Variants in SUCNR1 observed in about 807,000 individuals in gnomAD.
SUCNR1 encodes succinate receptor 1, also known as G-protein coupled receptor 91.
SUCNR1 carries 5 observed loss-of-function variants against 2.4 expected under a neutral mutation model. The ratio of observed to expected loss-of-function variants is 2.07; its 90% CI spans 1.08 to 4.36. The LOEUF (loss-of-function observed/expected upper bound fraction) is 4.36, where lower values mean the gene tolerates loss of function less well. SUCNR1 is among the 30% of genes most tolerant of loss of function. SUCNR1 has a pLI of 0.00. For synonymous variants in SUCNR1, 162 were observed against 143.9 expected, an observed-to-expected ratio of 1.13 and a Z score of -0.90; for missense variants, 373 against 399.2, an observed-to-expected ratio of 0.93 and a Z score of 0.56.
Position 151,881,468 on chromosome 3 carries a change from C to T in SUCNR1, c.925C>T (p.Gln309Ter), listed in dbSNP as rs1718096733. The T allele has an allele frequency of 6.2e-7, 1 of 1,613,768 alleles. No homozygotes were observed. The highest frequency in any genetic ancestry group is 1.3e-5 in the African/African-American group (1 of 74,912). The change falls in exon 3 of 3, where the codon CAA becomes TAA. Residue 309 changes from glutamine to a stop codon, truncating the protein, a stop_gained. Transcript: ENST00000362032. LOFTEE classifies it low-confidence loss of function (END_TRUNC). ...GDHFRDMLMN[Q>*]LRHNFKSLTS... ...TCACTTCAGGGACATGCTGATGAAT[C>T]AACTGAGACACAACTTCAAATCCCT...
chr3:151,877,857 T>A (rs1024206540), intron 1 of SUCNR1, among the ~76,000 whole-genome samples: 1 of 151,930 alleles, frequency 6.6e-6, no homozygotes, highest in Non-Finnish European at 1.5e-5. Flanking sequence ...GTGAATGAGA[T>A]CATTTAGGAA....
chr3:151,877,402 A>G (rs1160619197), intron 1 of SUCNR1, among the ~76,000 whole-genome samples: 1 of 152,166 alleles, frequency 6.6e-6, no homozygotes, highest in Admixed American at 6.6e-5. Context: ...ATAATGGTAA[A>G]GATGAACTGA....
At chr3:151,877,287 A>T (rs1012758816) in intron 1 of SUCNR1, among the ~76,000 whole-genome samples, 1 of 152,140 alleles carries the variant, frequency 6.6e-6, no homozygotes, top group African/African-American at 2.4e-5. Context: ...CCCATTAAGG[A>T]TTTTAGACTA....
At chr3:151,879,234 T>C (rs982248697) in intron 1 of SUCNR1, among the ~76,000 whole-genome samples, 1 of 152,194 alleles carries the variant, frequency 6.6e-6, no homozygotes, top group Non-Finnish European at 1.5e-5. Flanking sequence ...CTCTTGAGGT[T>C]TGAGTGAGTC....
At chr3:151,874,416 G>A (rs1405787087) in intron 1 of SUCNR1, among the ~76,000 whole-genome samples, 2 of 151,798 alleles carry the variant, frequency 1.3e-5, no homozygotes, top group Non-Finnish European at 2.9e-5. Flanking sequence ...GACCTCAGGT[G>A]ATCCACTCAT....
At chr3:151,874,200 C>G (rs1479411064) in intron 1 of SUCNR1, among the ~76,000 whole-genome samples, 2 of 132,884 alleles carry the variant, frequency 1.5e-5, no homozygotes, top group South Asian at 2.4e-4. Flanking sequence ...GTCACCCAGG[C>G]TAGAGTGTCT....
chr3:151,874,921 G>A (rs536056786), intron 1 of SUCNR1, among the ~76,000 whole-genome samples: 1 of 152,014 alleles, frequency 6.6e-6, no homozygotes, highest in East Asian at 1.9e-4. Flanking sequence ...TTGTTTAATT[G>A]TGATGACTAT....
intron 2 of SUCNR1, 80 bp from the exon 3 acceptor site, chr3:151,880,479 C>A: frequency 9.4e-7 from 1 of 1,059,834 alleles, no homozygotes; most frequent in Non-Finnish European, 1.4e-6. Context: ...AAGTGTTTTT[C>A]ATTATTATTA....
At chr3:151,879,798 A>G (rs2108066858) in intron 1 of SUCNR1, 54 bp from the exon 2 acceptor site, 2 of 794,756 alleles carry the variant, frequency 2.5e-6, no homozygotes, top group East Asian at 5.7e-5. Flanking sequence ...GGAAACAAGT[A>G]AAAGCTTAAA....
In SUCNR1 at chr3:151,880,824, T is replaced by A; in HGVS notation, c.281T>A (p.Leu94His). ...GGAAACTGGATATATGGAGACGTGC[T>A]CTGCATAAGCAACCGATATGTGCTT... is the stretch of plus-strand genomic sequence containing the variant. ...ANGNWIYGDVLCISNRYVLHA... is the reference protein window; with the variant it reads ...ANGNWIYGDVHCISNRYVLHA... The change falls in exon 3 of 3, where the codon CTC (leucine) becomes CAC (histidine). Residue 94 changes from leucine (L) to histidine (H), a missense_variant. Physicochemically the swap from Leu to His is moderately conservative, Grantham distance 99 (BLOSUM62 -3). Around this residue, in one of 3 missense-constraint regions of SUCNR1, gnomAD observed 184 missense variants for 162.2 expected, o/e 1.13. Transcript: ENST00000362032. The A allele has an allele frequency of 1.9e-6, 3 of 1,614,180 alleles. No individual in the cohort carries two copies. The highest frequency in any genetic ancestry group is 2.5e-6 in the Non-Finnish European group (3 of 1,180,018).
intron 1 of SUCNR1, among the ~76,000 whole-genome samples, chr3:151,874,554 G>C (rs912347722): frequency 1.3e-5 from 2 of 152,010 alleles, no homozygotes; most frequent in African/African-American, 4.8e-5. Flanking sequence ...TAACATTTAT[G>C]TGTGTAAAAA....
chr3:151,878,919 T>C (rs79257023), intron 1 of SUCNR1, among the ~76,000 whole-genome samples: 4,242 of 152,304 alleles, frequency 0.028, 198 homozygotes, highest in African/African-American at 0.097. Flanking sequence ...TAGCAAATTC[T>C]ACTGAATTTT....
rs971680909 is a variant in SUCNR1 at position 151,884,091 on chromosome 3, A to C, written c.*2543A>C. ...AGATACTTTTAATACTACTTATTTG[A>C]ATTTCATTATTTTTATTATAGTTTA... On this transcript the variant is annotated 3_prime_UTR_variant, in exon 3 of 3. Transcript: ENST00000362032. The C allele has an allele frequency of 5.9e-5, 9 of 152,168 alleles. No homozygotes were observed. Among genetic ancestry groups the C allele is most frequent in the African/African-American group, 2.2e-4 (9 of 41,428 alleles). The allele number at this position is 152,168 out of a possible 1,614,324, so 9.4% of individuals were successfully genotyped here. A position where few individuals can be genotyped will look rare whatever the true frequency, so the allele number is the denominator to read the frequency against.
Position 151,880,652 on chromosome 3 carries a change from G to T in SUCNR1, c.109G>T (p.Gly37Ter). Residue 37 changes from glycine to a stop codon, truncating the protein, a stop_gained, in exon 3 of 3, where the codon GGA becomes TGA. Coordinates refer to ENST00000362032, the MANE Select transcript of SUCNR1 (RefSeq NM_033050.6). LOFTEE classifies it low-confidence loss of function (END_TRUNC). ...SIFYGIEFVV[G>*]VLGNTIVVYG... ...TTTTTATGGGATTGAGTTCGTTGTG[G>T]GAGTCCTTGGAAATACCATTGTTGT... 6.2e-7 allele frequency: 1 copy of T among 1,614,028 alleles called. No homozygotes were observed. The highest frequency in any genetic ancestry group is 1.6e-4 in the Middle Eastern group (1 of 6,062).
intron 1 of SUCNR1, among the ~76,000 whole-genome samples, chr3:151,875,606 G>A (rs1717902370): frequency 1.3e-5 from 2 of 151,724 alleles, no homozygotes; most frequent in Non-Finnish European, 2.9e-5. Context: ...ATGTAAAAGG[G>A]TACCCAAATA....
intron 1 of SUCNR1, among the ~76,000 whole-genome samples, chr3:151,874,489 A>G (rs1487076062): frequency 1.3e-5 from 2 of 151,930 alleles, no homozygotes; most frequent in Non-Finnish European, 2.9e-5. Flanking sequence ...TAATATTTTT[A>G]TGTTTAGAAA....
chr3:151,881,317 A>G lies in SUCNR1; in HGVS notation c.774A>G (p.Ser258=). The stretch of plus-strand genomic sequence containing the variant: ...TCATGCGGAATGTGAGGATCGCTTC[A>G]CGCCTGGGGAGTTGGAAGCAGTATC... ...YHVMRNVRIA[S]RLGSWKQYQC... Residue 258 remains serine, a synonymous_variant, in exon 3 of 3, where the codon TCA becomes TCG. Transcript: ENST00000362032. The G allele has an allele frequency of 1.9e-6, 3 of 1,614,162 alleles. No homozygotes were observed. The highest frequency in any genetic ancestry group is 2.5e-6 in the Non-Finnish European group (3 of 1,180,024).
At position 151,883,465 on chromosome 3, in the gene SUCNR1, C is replaced by CATATATATATATATATAT. The variant is rs57096358; in HGVS notation, c.*1940_*1957dup. On this transcript the variant is annotated 3_prime_UTR_variant, in exon 3 of 3. Transcript: ENST00000362032. ...AATATTTTTTCAAACCATAAACTCA[C>CATATATATATATATATAT]ATATATATATATATATATATATATA... is the stretch of plus-strand genomic sequence containing the variant. The CATATATATATATATATAT allele has an allele frequency of 1.9e-4, 15 of 80,388 alleles. 1 individual carries two copies. Among genetic ancestry groups the CATATATATATATATATAT allele is most frequent in the Non-Finnish European group, 2.8e-4 (12 of 42,214 alleles). 5.0% of individuals were successfully genotyped at this position (80,388 alleles called of 1,614,324 possible).
In SUCNR1 at chr3:151,884,204, T is replaced by C. The variant is rs1251490171; in HGVS notation, c.*2656T>C. 6.6e-6 allele frequency: 1 copy of C among 152,252 alleles called. No homozygotes were observed. Among genetic ancestry groups the C allele is most frequent in the East Asian group, 1.9e-4 (1 of 5,204 alleles). The allele number at this position is 152,252 out of a possible 1,614,324, so 9.4% of individuals were successfully genotyped here. A position where few individuals can be genotyped will look rare whatever the true frequency, so the allele number is the denominator to read the frequency against. The stretch of plus-strand genomic sequence containing the variant: ...AACAAACTCAAAGTCAATGCTTCTT[T>C]TGCATGTGAATAATCAAGCTATTTT... On this transcript the variant is annotated 3_prime_UTR_variant, in exon 3 of 3. Transcript: ENST00000362032.
Sources: gnomAD v4.1 joint callset for allele counts (sites outside exome capture counted in the v4.1 genomes callset) on GRCh38, gnomAD v4.1.1 for gene constraint, gnomAD v4.1.1 regional missense constraint, MANE v1.5 for transcripts, NCBI Gene and HGNC (gene_info 2026-07-23, HGNC 2026-07-21) for gene names.